PPARGC1A: variants seen among roughly 807,000 people sequenced by gnomAD.
PPARGC1A encodes PPARG coactivator 1 alpha.
PPARGC1A carries 25 observed loss-of-function variants against 88.7 expected under a neutral mutation model. The ratio of observed to expected loss-of-function variants is 0.28; its 90% CI spans 0.21 to 0.39. The LOEUF (loss-of-function observed/expected upper bound fraction) is 0.39, where lower values mean the gene tolerates loss of function less well. Ranked by LOEUF, PPARGC1A falls within the 10% of genes least tolerant of loss-of-function variation. PPARGC1A has a pLI of 1.00. For missense variants in PPARGC1A, 880 were observed against 968.7 expected (o/e 0.91, Z 1.22); for synonymous variants, 363 against 355.6 (o/e 1.02, Z -0.24).
the PPARGC1A span, among the ~76,000 whole-genome samples, chr4:24,412,082 A>T: frequency 0.013 from 2,049 of 152,324 alleles, 22 homozygotes; most frequent in Middle Eastern, 0.034. Flanking sequence ...TTTGGTAGGA[A>T]ACTGCCAAAC....
the PPARGC1A span, among the ~76,000 whole-genome samples, chr4:24,411,423 T>C: frequency 2.6e-5 from 4 of 152,224 alleles, no homozygotes; most frequent in East Asian, 5.8e-4. Flanking sequence ...AGAGATCTCA[T>C]ATACCCTCTG....
chr4:24,220,654 A>G, the PPARGC1A span, among the ~76,000 whole-genome samples: 1 of 152,336 alleles, frequency 6.6e-6, no homozygotes, highest in Non-Finnish European at 1.5e-5. Flanking sequence ...GTTCTCACTT[A>G]TAAGTGGGAG....
chr4:24,031,056 C>T, the PPARGC1A span, among the ~76,000 whole-genome samples: 8 of 151,982 alleles, frequency 5.3e-5, no homozygotes, highest in Admixed American at 3.9e-4. Flanking sequence ...GCCTGGGAGA[C>T]GAAAAAGGGA....
the PPARGC1A span, among the ~76,000 whole-genome samples, chr4:24,169,715 T>C: frequency 1.3e-5 from 2 of 151,880 alleles, no homozygotes; most frequent in South Asian, 4.2e-4. Flanking sequence ...ACTAAAAATA[T>C]AAAAATTAGG....
chr4:23,797,969 G>A (rs1369099066), intron 12 of PPARGC1A, among the ~76,000 whole-genome samples: 3 of 152,024 alleles, frequency 2.0e-5, no homozygotes, highest in African/African-American at 7.3e-5. Context: ...AAAATGGCCT[G>A]TTCCTGCCTT....
chr4:24,358,097 C>A, the PPARGC1A span, among the ~76,000 whole-genome samples: 1 of 152,160 alleles, frequency 6.6e-6, no homozygotes, highest in Non-Finnish European at 1.5e-5. Context: ...ACCCTCACAA[C>A]AGCCCTTTCA....
chr4:24,061,916 G>C, the PPARGC1A span, among the ~76,000 whole-genome samples: 84,242 of 151,972 alleles, frequency 0.55, 23,557 homozygotes, highest in Admixed American at 0.58. Context: ...AATCTCGATT[G>C]TTAATTTAAT....
chr4:24,056,739 G>A, the PPARGC1A span, among the ~76,000 whole-genome samples: 1 of 152,168 alleles, frequency 6.6e-6, no homozygotes, highest in African/African-American at 2.4e-5. Context: ...GGCATATAGC[G>A]TACTTATCAT....
At chr4:24,324,517 C>G in the PPARGC1A span, among the ~76,000 whole-genome samples, 1 of 152,142 alleles carries the variant, frequency 6.6e-6, no homozygotes, top group Non-Finnish European at 1.5e-5. Context: ...CTCCTTCTCC[C>G]TTAGCCTGTG....
At chr4:24,165,587 C>T in the PPARGC1A span, among the ~76,000 whole-genome samples, 5 of 152,140 alleles carry the variant, frequency 3.3e-5, no homozygotes, top group African/African-American at 9.7e-5. Flanking sequence ...TCCAATAGCA[C>T]GTGCTTATTT....
the PPARGC1A span, among the ~76,000 whole-genome samples, chr4:24,148,310 C>G: frequency 7.2e-5 from 11 of 152,252 alleles, no homozygotes; most frequent in Middle Eastern, 3.4e-3. Flanking sequence ...AAGGGCTATC[C>G]ACACAAATTC....
chr4:24,318,224 G>T, the PPARGC1A span, among the ~76,000 whole-genome samples: 1 of 152,224 alleles, frequency 6.6e-6, no homozygotes, highest in Non-Finnish European at 1.5e-5. Flanking sequence ...CACTGAGCTG[G>T]CAGGGTACTA....
chr4:23,802,074 A>G, intron 11 of PPARGC1A, 150 bp downstream of exon 11: 1 of 1,295,140 alleles, frequency 7.7e-7, no homozygotes, highest in South Asian at 1.5e-5. Context: ...AGATTAATAA[A>G]CAGGGATGAA....
chr4:24,003,029 G>A, the PPARGC1A span, among the ~76,000 whole-genome samples: 2 of 152,258 alleles, frequency 1.3e-5, no homozygotes, highest in South Asian at 4.1e-4. Flanking sequence ...TCGCCCCAGA[G>A]AAATCCACTT....
the PPARGC1A span, among the ~76,000 whole-genome samples, chr4:24,233,059 C>T: frequency 6.6e-6 from 1 of 152,048 alleles, no homozygotes; most frequent in African/African-American, 2.4e-5. Flanking sequence ...ACCACAGAGG[C>T]CCAGCACTGC....
At chr4:23,828,287 A>G (rs1724351732) in intron 5 of PPARGC1A, 113 bp downstream of exon 5, 5 of 1,125,234 alleles carry the variant, frequency 4.4e-6, no homozygotes, top group Non-Finnish European at 6.6e-6. Flanking sequence ...TTCTCTTTCC[A>G]CAGAGTGACG....
At chr4:24,227,469 G>A in the PPARGC1A span, among the ~76,000 whole-genome samples, 1 of 152,158 alleles carries the variant, frequency 6.6e-6, no homozygotes, top group African/African-American at 2.4e-5. Context: ...AAGAAATCCA[G>A]GTTGTTGAGA....
chr4:23,822,296 C>A (rs1008300858), intron 7 of PPARGC1A, among the ~76,000 whole-genome samples: 2 of 152,010 alleles, frequency 1.3e-5, no homozygotes, highest in Non-Finnish European at 2.9e-5. Context: ...TCCATTCCAC[C>A]CCTACGCTTC....
At chr4:24,438,373 G>A in the PPARGC1A span, among the ~76,000 whole-genome samples, 1 of 152,270 alleles carries the variant, frequency 6.6e-6, no homozygotes, top group African/African-American at 2.4e-5. Context: ...TGATACTAGA[G>A]AAGAGAATAC....
Sources: allele counts gnomAD v4.1 joint callset (sites outside exome capture counted in the v4.1 genomes callset), GRCh38; gene constraint gnomAD v4.1.1; transcripts MANE v1.5; gene names NCBI Gene and HGNC (gene_info 2026-07-23, HGNC 2026-07-21).